The following CNTN6 variants were observed in gnomAD, a reference collection of about 807,000 sequenced individuals.
CNTN6 encodes the protein contactin 6.
A neutral mutation model predicts 122.8 loss-of-function variants in CNTN6; 137 were observed. The ratio of observed to expected loss-of-function variants is 1.12; its 90% CI spans 0.97 to 1.29. The LOEUF (loss-of-function observed/expected upper bound fraction) is 1.29. Ranked by LOEUF, CNTN6 falls within the 50% of genes most tolerant of loss-of-function variation. CNTN6 has a pLI of 0.00. For synonymous variants in CNTN6, 570 were observed against 426.0 expected (o/e 1.34, Z -4.16); for missense variants, 1,634 against 1,223.4 (o/e 1.34, Z -5.01).
intron 4 of CNTN6, among the ~76,000 whole-genome samples, chr3:1,245,270 T>C (rs1289248067): frequency 1.4e-3 from 6 of 4,406 alleles, no homozygotes; most frequent in African/African-American, 2.5e-3. Context: ...TATATATATA[T>C]ATATACACAC....
At chr3:1,198,207 C>T (rs759014454) in intron 2 of CNTN6, among the ~76,000 whole-genome samples, 1 of 152,096 alleles carries the variant, frequency 6.6e-6, no homozygotes, top group Non-Finnish European at 1.5e-5. Context: ...AAACTTATTC[C>T]TTGGTATGCT....
chr3:1,289,606 C>T (rs181249142), intron 5 of CNTN6, among the ~76,000 whole-genome samples: 51 of 152,144 alleles, frequency 3.4e-4, no homozygotes, highest in Admixed American at 5.9e-4. Context: ...AAAATCCAGG[C>T]GTTTCCCTTC....
At chr3:1,385,548 G>C in intron 19 of CNTN6, 63 bp from the exon 20 acceptor site, 1 of 1,346,918 alleles carries the variant, frequency 7.4e-7, no homozygotes, top group Non-Finnish European at 1.0e-6. Context: ...ATAGTTGTTG[G>C]TAAAAAATGA....
chr3:1,326,097 T>G, intron 9 of CNTN6, 146 bp downstream of exon 9: 2 of 618,672 alleles, frequency 3.2e-6, no homozygotes, highest in Non-Finnish European at 5.2e-6. Context: ...ATTTATTTAA[T>G]CCTTAAATAA....
At chr3:1,210,767 C>A (rs1575250839) in intron 2 of CNTN6, among the ~76,000 whole-genome samples, 1 of 152,106 alleles carries the variant, frequency 6.6e-6, no homozygotes. Context: ...GACCCCAGTA[C>A]AAAAGGAACA....
At chr3:1,297,331 T>C (rs1204015765) in intron 6 of CNTN6, among the ~76,000 whole-genome samples, 1 of 152,156 alleles carries the variant, frequency 6.6e-6, no homozygotes, top group East Asian at 1.9e-4. Flanking sequence ...CCTACAGATA[T>C]ATTTCTGTTA....
At chr3:1,255,106 G>A (rs568554892) in intron 4 of CNTN6, among the ~76,000 whole-genome samples, 3 of 152,246 alleles carry the variant, frequency 2.0e-5, no homozygotes, top group Non-Finnish European at 2.9e-5. Context: ...GCTGGGTGGG[G>A]ATCCAAGAGC....
chr3:1,321,132 T>A (rs1700786002), intron 7 of CNTN6, among the ~76,000 whole-genome samples: 1 of 151,662 alleles, frequency 6.6e-6, no homozygotes, highest in African/African-American at 2.4e-5. Context: ...TGTCTTCAGT[T>A]ACCTATTAGT....
At chr3:1,191,071 C>T (rs1196163168) in intron 2 of CNTN6, among the ~76,000 whole-genome samples, 2 of 152,178 alleles carry the variant, frequency 1.3e-5, no homozygotes, top group African/African-American at 4.8e-5. Context: ...TGTTTAGTCT[C>T]TGTCCCTGGT....
chr3:1,166,148 A>G (rs546097611), intron 2 of CNTN6, among the ~76,000 whole-genome samples: 27 of 152,322 alleles, frequency 1.8e-4, no homozygotes, highest in African/African-American at 6.0e-4. Flanking sequence ...TGTTCTAAGT[A>G]CTGGCTAAAC....
At chr3:1,401,254 AG>A in intron 20 of CNTN6, 178 bp from the exon 21 acceptor site, 2 of 546,106 alleles carry the variant, frequency 3.7e-6, no homozygotes, top group Non-Finnish European at 6.5e-6. Context: ...CCAAATGACC[AG>A]ATTTGAATAA....
chr3:1,233,734 C>CA (rs1166507455), intron 4 of CNTN6, among the ~76,000 whole-genome samples: 11,965 of 50,924 alleles, frequency 0.23, 1,980 homozygotes, highest in East Asian at 0.55. Flanking sequence ...GACTCTGTCT[C>CA]AAAAAAAAAA....
chr3:1,208,100 T>C (rs2093982533), intron 2 of CNTN6, among the ~76,000 whole-genome samples: 1 of 152,090 alleles, frequency 6.6e-6, no homozygotes, highest in African/African-American at 2.4e-5. Context: ...AAACGTTTGA[T>C]AAATAATCTC....
At chr3:1,350,959 TAATGTA>T (rs1472703951) in intron 11 of CNTN6, among the ~76,000 whole-genome samples, 1 of 151,898 alleles carries the variant, frequency 6.6e-6, no homozygotes, top group Non-Finnish European at 1.5e-5. Context: ...ATTCAATTGT[TAATGTA>T]AATTGGGATC....
chr3:1,338,822 A>G (rs1297621178), intron 11 of CNTN6, among the ~76,000 whole-genome samples: 1 of 152,188 alleles, frequency 6.6e-6, no homozygotes, highest in Non-Finnish European at 1.5e-5. Context: ...GTTACTTGAT[A>G]AATTTTAAAG....
At chr3:1,379,974 T>C (rs776762496) in intron 17 of CNTN6, among the ~76,000 whole-genome samples, 5 of 152,100 alleles carry the variant, frequency 3.3e-5, no homozygotes, top group Non-Finnish European at 5.9e-5. Context: ...AATACAAAAA[T>C]GGATGAGAAA....
At chr3:1,244,769 G>A (rs151027444) in intron 4 of CNTN6, among the ~76,000 whole-genome samples, 3,045 of 152,120 alleles carry the variant, frequency 0.02, 86 homozygotes, top group African/African-American at 0.065. Context: ...GATTTGGGAA[G>A]GTGATGGAAA....
intron 7 of CNTN6, among the ~76,000 whole-genome samples, chr3:1,307,606 C>T (rs1271091091): frequency 6.6e-6 from 1 of 151,906 alleles, no homozygotes; most frequent in Non-Finnish European, 1.5e-5. Context: ...GTATTTATGC[C>T]CTTCTATTCC....
At chr3:1,165,921 C>T (rs1039124691) in intron 2 of CNTN6, among the ~76,000 whole-genome samples, 17 of 152,162 alleles carry the variant, frequency 1.1e-4, no homozygotes, top group African/African-American at 4.1e-4. Context: ...ATTTTCATTT[C>T]TTCCTTCCCT....
Sources: gnomAD v4.1 joint callset for allele counts (sites outside exome capture counted in the v4.1 genomes callset) on GRCh38, gnomAD v4.1.1 for gene constraint, MANE v1.5 for transcripts, NCBI Gene and HGNC (gene_info 2026-07-23, HGNC 2026-07-21) for gene names.